SLC48A1: variants seen among roughly 807,000 people sequenced by gnomAD.
SLC48A1 encodes solute carrier family 48 member 1.
Under a neutral mutation model 14.8 loss-of-function variants are expected in SLC48A1, and 6 were observed. The ratio of observed to expected loss-of-function variants is 0.41; its 90% CI spans 0.22 to 0.80. SLC48A1 has a LOEUF of 0.80. Among genes scored for constraint, SLC48A1 ranks in the 30% least tolerant of loss-of-function variants. The pLI is 0.34. For missense variants in SLC48A1, 165 were observed against 204.8 expected, an observed-to-expected ratio of 0.81 and a Z score of 1.19; for synonymous variants, 89 against 90.0, an observed-to-expected ratio of 0.99 and a Z score of 0.06.
In SLC48A1 at chr12:47,781,245, G is replaced by GC. The variant is rs1942869157; in HGVS notation, c.*968dup. The GC allele has an allele frequency of 4.7e-6, 1 of 213,858 alleles. No homozygotes were observed. The highest frequency in any genetic ancestry group is 9.6e-6 in the Non-Finnish European group (1 of 103,860). 13.2% of individuals were successfully genotyped at this position (213,858 alleles called of 1,614,324 possible). On this transcript the variant is annotated 3_prime_UTR_variant, in exon 3 of 3. Coordinates refer to ENST00000442218, the MANE Select transcript of SLC48A1 (RefSeq NM_017842.3). ...TCAGGGTCACGGGGAATGTGCTTCT[G>GC]CCCCTGTAAGGGCTTTGGGGAAGGG... is the stretch of plus-strand genomic sequence containing the variant.
chr12:47,780,026 T>C, intron 2 of SLC48A1, 119 bp from the exon 3 acceptor site: 1 of 1,285,592 alleles, frequency 7.8e-7, no homozygotes, highest in Non-Finnish European at 1.0e-6. Flanking sequence ...GAAGGGTTGG[T>C]TCAGCTGCCA....
chr12:47,773,135 G>A (rs1175927296), upstream of SLC48A1: 53 of 940,750 alleles, frequency 5.6e-5, no homozygotes, highest in Non-Finnish European at 6.7e-5. Context: ...GGGCGCGGGC[G>A]GCCTCCGGCC....
upstream of SLC48A1, chr12:47,757,863 C>T: frequency 6.4e-7 from 1 of 1,552,548 alleles, no homozygotes; most frequent in South Asian, 1.2e-5. Flanking sequence ...GAAAGGTACT[C>T]ACCCAGCGCA....
chr12:47,773,901 CAG>C, intron 1 of SLC48A1, among the ~76,000 whole-genome samples: 1 of 152,336 alleles, frequency 6.6e-6, no homozygotes. Context: ...TGGGTGAGGG[CAG>C]AGAGGGAAGA....
intron 1 of SLC48A1, among the ~76,000 whole-genome samples, chr12:47,775,067 A>T (rs1565780734): frequency 6.6e-6 from 1 of 152,112 alleles, no homozygotes; most frequent in East Asian, 1.9e-4. Context: ...GTGGAGGTGA[A>T]CCCTACCTGG....
At chr12:47,767,623 G>C (rs1226724996), upstream of SLC48A1, among the ~76,000 whole-genome samples, 6 of 152,216 alleles carry the variant, frequency 3.9e-5, no homozygotes. Context: ...AGTAGGGGTG[G>C]AAAGTAAAAA....
At chr12:47,756,447 G>C (rs1025830666), upstream of SLC48A1, 1 of 152,298 alleles carries the variant, frequency 6.6e-6, no homozygotes, top group Non-Finnish European at 1.5e-5. Context: ...AGAGCCAGAG[G>C]GGTAGCGGAG....
At chr12:47,773,535 C>T (rs987462254) in intron 1 of SLC48A1, 95 bp downstream of exon 1, 56 of 1,236,498 alleles carry the variant, frequency 4.5e-5, no homozygotes, top group Middle Eastern at 6.4e-4. Context: ...CGGCGCTTCC[C>T]CGCGGAGCGG....
Position 47,780,973 on chromosome 12 carries a change from G to T in SLC48A1, c.*692G>T. 1.9e-6 allele frequency: 1 copy of T among 523,446 alleles called. No individual in the cohort carries two copies. 32.4% of individuals were successfully genotyped at this position (523,446 alleles called of 1,614,324 possible). ...CCATGAGGCCTGGACCTATGCTGCA[G>T]GCAAGGGTTTCCATCCCCGCTGCCC... On this transcript the variant is annotated 3_prime_UTR_variant, in exon 3 of 3. Transcript: ENST00000442218.
upstream of SLC48A1, among the ~76,000 whole-genome samples, chr12:47,754,624 AG>A (rs1941947066): frequency 6.6e-6 from 1 of 152,250 alleles, no homozygotes; most frequent in Non-Finnish European, 1.5e-5. Context: ...AGGATCAAAA[AG>A]TTAATAATAT....
At chr12:47,770,727 C>G, upstream of SLC48A1, 1 of 437,102 alleles carries the variant, frequency 2.3e-6, no homozygotes, top group Non-Finnish European at 4.6e-6. Flanking sequence ...GAGTTTTCTC[C>G]CCCAGCCCCA....
At chr12:47,758,713 G>C (rs995928217) in intron 1 of SLC48A1, 1 of 1,405,768 alleles carries the variant, frequency 7.1e-7, no homozygotes, top group African/African-American at 1.5e-5. Context: ...TGGCTGCCAG[G>C]GCAGCAGGAT....
rs570796895 is a variant in SLC48A1 at position 47,780,408 on chromosome 12, C to T, written c.*127C>T. 64 of 1,416,996 alleles carry T rather than the reference C, an allele frequency of 4.5e-5. 1 individual carries two copies. Among genetic ancestry groups the T allele is most frequent in the African/African-American group, 9.9e-5 (7 of 71,036 alleles). 87.8% of individuals were successfully genotyped at this position (1,416,996 alleles called of 1,614,324 possible). On this transcript the variant is annotated 3_prime_UTR_variant, in exon 3 of 3. Coordinates refer to ENST00000442218, the MANE Select transcript of SLC48A1 (RefSeq NM_017842.3). ...CTGTGGCAGAAAATACACAGCAGGA[C>T]GAGTGTGGTCTCCCAGGAAGCTGTC...
chr12:47,768,378 A>G (rs2136854694), upstream of SLC48A1, among the ~76,000 whole-genome samples: 1 of 152,310 alleles, frequency 6.6e-6, no homozygotes, highest in East Asian at 1.9e-4. Context: ...TGCTGCAGGT[A>G]GGTAGGTGGT....
At chr12:47,755,364 G>T (rs1941992654), upstream of SLC48A1, among the ~76,000 whole-genome samples, 1 of 152,170 alleles carries the variant, frequency 6.6e-6, no homozygotes, top group Non-Finnish European at 1.5e-5. Context: ...TGGCACATAA[G>T]TACTGTATAA....
At chr12:47,754,876 A>T (rs1185288176), upstream of SLC48A1, among the ~76,000 whole-genome samples, 1 of 152,206 alleles carries the variant, frequency 6.6e-6, no homozygotes, top group Non-Finnish European at 1.5e-5. Context: ...AGGGCGGAAG[A>T]GGAGGCACTA....
chr12:47,756,393 C>T (rs1942052348), upstream of SLC48A1: 1 of 152,174 alleles, frequency 6.6e-6, no homozygotes, highest in Admixed American at 6.5e-5. Context: ...CCCACTGGCT[C>T]CAGGCAATAG....
At chr12:47,760,838 G>A (rs1168586093) in intron 2 of SLC48A1, among the ~76,000 whole-genome samples, 1 of 152,160 alleles carries the variant, frequency 6.6e-6, no homozygotes, top group African/African-American at 2.4e-5. Context: ...GGTATACTGC[G>A]TATACTCTGT....
upstream of SLC48A1, chr12:47,773,216 G>A (rs1355930938): frequency 9.3e-7 from 1 of 1,076,246 alleles, no homozygotes; most frequent in East Asian, 5.8e-5. Context: ...CTGCTCTGGC[G>A]GCTCCCGCGG....
Sources: allele counts gnomAD v4.1 joint callset (sites outside exome capture counted in the v4.1 genomes callset), GRCh38; gene constraint gnomAD v4.1.1; transcripts MANE v1.5; gene names NCBI Gene and HGNC (gene_info 2026-07-23, HGNC 2026-07-21).